Variants in FLNB observed in about 807,000 individuals in gnomAD.
FLNB encodes filamin-B.
A neutral mutation model predicts 250.6 loss-of-function variants in FLNB; 111 were observed. The ratio of observed to expected loss-of-function variants is 0.44; its 90% CI spans 0.38 to 0.52. FLNB has a LOEUF of 0.52. FLNB is among the 20% of genes least tolerant of loss of function. The probability of loss-of-function intolerance (pLI) is 0.00; values close to 1 mark genes in which losing one functional copy is unlikely to be tolerated. For synonymous variants in FLNB, 1,302 were observed against 1,372.1 expected (o/e 0.95, Z 1.13); for missense variants, 2,869 against 3,447.8 (o/e 0.83, Z 4.20).
intron 34 of FLNB, among the ~76,000 whole-genome samples, chr3:58,147,601 A>G (rs1397878128): frequency 6.6e-6 from 1 of 152,244 alleles, no homozygotes; most frequent in Non-Finnish European, 1.5e-5. Flanking sequence ...TTGTTTACCT[A>G]GAAATGCCCA....
intron 8 of FLNB, 87 bp from the exon 9 acceptor site, chr3:58,102,116 C>A: frequency 6.7e-7 from 1 of 1,503,228 alleles, no homozygotes; most frequent in East Asian, 2.3e-5. Context: ...CAAATATTTT[C>A]TTGGCGGGTG....
At position 58,108,478 on chromosome 3, in the gene FLNB, T is replaced by C; in HGVS notation, c.1962T>C (p.Gly654=). The change falls in exon 13 of 46, where the codon GGT becomes GGC. Residue 654 remains glycine, a synonymous_variant. Transcript: ENST00000295956. ...NPDLVRAYGP[G]LEKSGCIVNN... The stretch of plus-strand genomic sequence containing the variant: ...TTCAGGTTCGAGCATACGGGCCAGG[T>C]TTGGAGAAATCTGGATGCATTGTCA... 1 of 1,613,736 alleles carries C rather than the reference T, an allele frequency of 6.2e-7. No homozygotes were observed. The highest frequency in any genetic ancestry group is 8.5e-7 in the Non-Finnish European group (1 of 1,179,724).
chr3:58,102,954 C>G (rs1004797331), intron 9 of FLNB, among the ~76,000 whole-genome samples: 4 of 152,112 alleles, frequency 2.6e-5, no homozygotes, highest in African/African-American at 4.8e-5. Context: ...TGGGTGTCTT[C>G]ACTTTTTTCG....
chr3:58,021,372 T>C (rs56697644), intron 1 of FLNB, among the ~76,000 whole-genome samples: 18,428 of 152,028 alleles, frequency 0.12, 2,094 homozygotes, highest in East Asian at 0.45. Flanking sequence ...CAAGATTCCC[T>C]CTCAGCAGAG....
chr3:58,135,831 CA>C, intron 27 of FLNB, 147 bp from the exon 28 acceptor site: 1 of 855,944 alleles, frequency 1.2e-6, no homozygotes, highest in Non-Finnish European at 1.8e-6. Flanking sequence ...CTCTCCCTAC[CA>C]AAAAACAAAA....
chr3:58,160,293 C>T (rs13062948), intron 42 of FLNB, among the ~76,000 whole-genome samples: 17,619 of 152,034 alleles, frequency 0.12, 1,152 homozygotes, highest in African/African-American at 0.16. Context: ...GTCTCTAGGC[C>T]CTAATGTCCT....
intron 1 of FLNB, among the ~76,000 whole-genome samples, chr3:58,026,243 C>G (rs2097123464): frequency 6.6e-6 from 1 of 152,170 alleles, no homozygotes; most frequent in Admixed American, 6.5e-5. Flanking sequence ...TGCTGACTGC[C>G]TTGTGTGCTT....
intron 11 of FLNB, among the ~76,000 whole-genome samples, chr3:58,106,067 T>C (rs1426747113): frequency 6.6e-6 from 1 of 152,156 alleles, no homozygotes; most frequent in Non-Finnish European, 1.5e-5. Flanking sequence ...TATGCGTAAA[T>C]ATAGGGTATG....
intron 1 of FLNB, among the ~76,000 whole-genome samples, chr3:58,036,271 T>G (rs1462729923): frequency 6.6e-6 from 1 of 152,116 alleles, no homozygotes; most frequent in African/African-American, 2.4e-5. Flanking sequence ...ACAGAGGAAT[T>G]GCAATGGAGA....
intron 1 of FLNB, among the ~76,000 whole-genome samples, chr3:58,075,445 C>T (rs1042386593): frequency 1.3e-5 from 2 of 152,058 alleles, no homozygotes; most frequent in African/African-American, 4.8e-5. Flanking sequence ...TCCAGGGGCT[C>T]AGGGCAAGAT....
At chr3:58,100,906 T>TC (rs777775572) in intron 8 of FLNB, among the ~76,000 whole-genome samples, 14 of 152,190 alleles carry the variant, frequency 9.2e-5, no homozygotes, top group Non-Finnish European at 1.8e-4. Flanking sequence ...ACCTAATTTT[T>TC]CTTTTTTTTG....
At chr3:58,115,255 C>T (rs2097275916) in intron 18 of FLNB, among the ~76,000 whole-genome samples, 1 of 152,208 alleles carries the variant, frequency 6.6e-6, no homozygotes, top group Admixed American at 6.5e-5. Context: ...GCTGAATCTT[C>T]TTTGTTGCCA....
intron 4 of FLNB, among the ~76,000 whole-genome samples, chr3:58,094,408 A>T (rs953542534): frequency 6.6e-6 from 1 of 152,242 alleles, no homozygotes; most frequent in African/African-American, 2.4e-5. Flanking sequence ...ATCTGTCTCG[A>T]TGAATTTGCT....
At chr3:58,017,049 C>G (rs1576587824) in intron 1 of FLNB, among the ~76,000 whole-genome samples, 1 of 152,082 alleles carries the variant, frequency 6.6e-6, no homozygotes, top group Non-Finnish European at 1.5e-5. Context: ...TTTAAGGTGC[C>G]TAACTAACTT....
rs188300025 is a variant in FLNB, at chr3:58,141,896, G to A, written c.5148G>A (p.Pro1716=). The A allele has an allele frequency of 1.7e-5, 27 of 1,614,012 alleles. No individual in the cohort carries two copies. In the Admixed American group the frequency reaches 2.2e-4, roughly 13 times the overall value. Residue 1716 remains proline, a synonymous_variant, in exon 30 of 46, where the codon CCG becomes CCA. Transcript: ENST00000295956. ...DGEVTAVEEA[P]VNACPPGFRP... Reference sequence around the variant, plus strand: ...AAGTCACAGCCGTGGAGGAGGCACCGGTAAATGCATGTCCCCCTGGATTCA... The same window carrying A: ...AAGTCACAGCCGTGGAGGAGGCACCAGTAAATGCATGTCCCCCTGGATTCA...
chr3:58,012,389 G>T (rs6801057), intron 1 of FLNB, among the ~76,000 whole-genome samples: 1,985 of 152,200 alleles, frequency 0.013, 39 homozygotes, highest in African/African-American at 0.044. Flanking sequence ...TTGTGGAGGT[G>T]ACCCAGCTAG....
intron 24 of FLNB, among the ~76,000 whole-genome samples, chr3:58,127,194 G>A (rs1575433461): frequency 1.3e-5 from 2 of 152,164 alleles, no homozygotes; most frequent in East Asian, 1.9e-4. Context: ...GTGATGGTGC[G>A]TGCCTGTAAT....
chr3:58,151,496 C>T (rs2097344957), intron 38 of FLNB: 1 of 151,466 alleles, frequency 6.6e-6, no homozygotes, highest in African/African-American at 2.4e-5. Flanking sequence ...CCAGAGAGAG[C>T]TTGGTTCACA....
At chr3:58,098,620 A>C in intron 7 of FLNB, 91 bp from the exon 8 acceptor site, 4 of 1,246,416 alleles carry the variant, frequency 3.2e-6, no homozygotes. Context: ...AGCATGAGCC[A>C]CCACACTGGT....
Sources: allele counts gnomAD v4.1 joint callset (sites outside exome capture counted in the v4.1 genomes callset), GRCh38; gene constraint gnomAD v4.1.1; transcripts MANE v1.5; gene names NCBI Gene and HGNC (gene_info 2026-07-23, HGNC 2026-07-21).